PKD1L1: variants seen among roughly 807,000 people sequenced by gnomAD.
The protein encoded by PKD1L1 is polycystin-1-like protein 1.
In PKD1L1, 236 loss-of-function variants were observed where a neutral mutation model predicts 323.4. That is an observed-to-expected ratio of 0.73 (90% CI 0.66 to 0.81). The LOEUF (loss-of-function observed/expected upper bound fraction) is 0.81, where lower values mean the gene tolerates loss of function less well. Among genes scored for constraint, PKD1L1 ranks in the 40% least tolerant of loss-of-function variants. The probability of loss-of-function intolerance (pLI) is 0.00; values close to 1 mark genes in which losing one functional copy is unlikely to be tolerated. For synonymous variants in PKD1L1, 1,344 were observed against 1,335.0 expected, an observed-to-expected ratio of 1.01 and a Z score of -0.15; for missense variants, 3,320 against 3,508.0, an observed-to-expected ratio of 0.95 and a Z score of 1.35.
At chr7:47,863,117 T>C (rs147236759) in intron 26 of PKD1L1, among the ~76,000 whole-genome samples, 147 of 152,246 alleles carry the variant, frequency 9.7e-4, no homozygotes, top group Non-Finnish European at 1.8e-3. Flanking sequence ...CAGATGGGAC[T>C]TCTTTATAAG....
upstream of PKD1L1, among the ~76,000 whole-genome samples, chr7:47,948,946 A>G (rs1416322186): frequency 5.3e-5 from 8 of 152,038 alleles, no homozygotes; most frequent in Non-Finnish European, 1.2e-4. Flanking sequence ...CTCTGCCTCA[A>G]AAACAAAATG....
At chr7:47,795,393 T>A (rs1274152866) in intron 55 of PKD1L1, 1 of 455,416 alleles carries the variant, frequency 2.2e-6, no homozygotes, top group South Asian at 1.6e-5. Flanking sequence ...ATGTAAGAAG[T>A]GCCTTTCACC....
At chr7:47,868,847 C>A (rs2128744422) in intron 24 of PKD1L1, among the ~76,000 whole-genome samples, 1 of 152,298 alleles carries the variant, frequency 6.6e-6, no homozygotes, top group South Asian at 2.1e-4. Context: ...TGCACTCCAG[C>A]CTGGGCAACA....
chr7:47,857,779 A>G lies in PKD1L1; in HGVS notation c.4416T>C (p.Leu1472=). ...CAGAGCTCTGAAGGTTGTAATGAAGAAGGGTCCGGAACTCCATCTGCCCAG... is the reference window on the plus strand; with the variant it reads ...CAGAGCTCTGAAGGTTGTAATGAAGGAGGGTCCGGAACTCCATCTGCCCAG... ...VSTGQMEFRT[L]LHYNLQSSVQ... The change falls in exon 28 of 57, where the codon CTT becomes CTC. Residue 1472 remains leucine, a synonymous_variant. Coordinates refer to ENST00000289672, the MANE Select transcript of PKD1L1 (RefSeq NM_138295.5). The G allele has an allele frequency of 6.2e-7, 1 of 1,614,154 alleles. No individual in the cohort carries two copies. Among genetic ancestry groups the G allele is most frequent in the Non-Finnish European group, 8.5e-7 (1 of 1,180,030 alleles).
In PKD1L1 at chr7:47,853,187, G is replaced by T. The variant is rs752203141; in HGVS notation, c.4900C>A (p.Gln1634Lys). ...ATTGACTCATCCCAGAAGTAGATCT[G>T]CTTCACAAGAAAATCAGAGGGAGTA... is the stretch of plus-strand genomic sequence containing the variant. Reference protein sequence around the residue: ...KPTPSDFLVKQIYFWDESIVQ... With the variant: ...KPTPSDFLVKKIYFWDESIVQ... Residue 1634 changes from glutamine to lysine, a missense_variant, in exon 31 of 57, where the codon CAG (glutamine) becomes AAG (lysine). Physicochemically the swap from Gln to Lys is moderately conservative, Grantham distance 53 (BLOSUM62 1). Coordinates refer to ENST00000289672, the MANE Select transcript of PKD1L1 (RefSeq NM_138295.5). The T allele has an allele frequency of 1.9e-6, 3 of 1,613,626 alleles. No homozygotes were observed. Among genetic ancestry groups the T allele is most frequent in the Non-Finnish European group, 2.5e-6 (3 of 1,179,574 alleles).
At chr7:47,904,326 C>A in intron 12 of PKD1L1, 52 bp downstream of exon 12, 1 of 1,608,882 alleles carries the variant, frequency 6.2e-7, no homozygotes, top group South Asian at 1.1e-5. Context: ...CCTTAAGACT[C>A]TGATTCCCGC....
At chr7:47,775,540 A>G (rs961147064) in intron 56 of PKD1L1, among the ~76,000 whole-genome samples, 5 of 152,360 alleles carry the variant, frequency 3.3e-5, no homozygotes, top group Admixed American at 2.0e-4. Flanking sequence ...TCACCCATGA[A>G]TCAAAGAATA....
intron 45 of PKD1L1, among the ~76,000 whole-genome samples, chr7:47,821,458 G>A (rs939104090): frequency 6.6e-6 from 1 of 151,666 alleles, no homozygotes; most frequent in African/African-American, 2.4e-5. Context: ...TAGTGGAGAC[G>A]GGGTTTCTCC....
chr7:47,802,757 C>T (rs1024677097), intron 53 of PKD1L1, among the ~76,000 whole-genome samples: 1 of 152,242 alleles, frequency 6.6e-6, no homozygotes, highest in African/African-American at 2.4e-5. Flanking sequence ...CCAGACCAGA[C>T]TTCAGGGCTA....
intron 24 of PKD1L1, among the ~76,000 whole-genome samples, chr7:47,870,115 C>G (rs557221406): frequency 5.9e-5 from 9 of 151,892 alleles, no homozygotes; most frequent in African/African-American, 2.2e-4. Flanking sequence ...GAATTTAAAG[C>G]TATAAATGGC....
At chr7:47,864,891 C>T (rs1166960185) in intron 26 of PKD1L1, among the ~76,000 whole-genome samples, 1 of 151,902 alleles carries the variant, frequency 6.6e-6, no homozygotes, top group Non-Finnish European at 1.5e-5. Context: ...CCATGCCCGG[C>T]TAATTTTTAT....
In PKD1L1 at chr7:47,833,249, G is replaced by A; in HGVS notation, c.6178C>T (p.Pro2060Ser). Reference sequence around the variant, plus strand: ...CTCCCAGAGAGAATGGCTGATGCAGGTTGCTAGAATGACAAGGTCATGCCA... The same window carrying A: ...CTCCCAGAGAGAATGGCTGATGCAGATTGCTAGAATGACAAGGTCATGCCA... ...IPDAQEPRKQ[P>S]ASAILSGSGR... The change falls in exon 41 of 57, where the codon CCT becomes TCT. Residue 2060 changes from proline to serine, a missense_variant. Transcript: ENST00000289672. 6.2e-7 allele frequency: 1 copy of A among 1,611,828 alleles called. No homozygotes were observed. The highest frequency in any genetic ancestry group is 8.5e-7 in the Non-Finnish European group (1 of 1,178,828).
intron 13 of PKD1L1, among the ~76,000 whole-genome samples, chr7:47,899,806 A>G (rs373648324): frequency 1.1e-4 from 17 of 152,090 alleles, no homozygotes; most frequent in African/African-American, 3.1e-4. Flanking sequence ...AATACAAAAA[A>G]TTAGCCAGGT....
intron 54 of PKD1L1, 143 bp downstream of exon 54, chr7:47,800,506 A>G: frequency 1.2e-6 from 1 of 819,232 alleles, no homozygotes; most frequent in Non-Finnish European, 1.9e-6. Flanking sequence ...CTCCCAGGGC[A>G]GGTGAGCTGG....
At chr7:47,848,861 C>T (rs1023525938) in intron 31 of PKD1L1, among the ~76,000 whole-genome samples, 3 of 151,996 alleles carry the variant, frequency 2.0e-5, no homozygotes, top group Non-Finnish European at 4.4e-5. Flanking sequence ...CAAAACAATC[C>T]TAAAATTCAT....
intron 3 of PKD1L1, among the ~76,000 whole-genome samples, chr7:47,938,174 A>T (rs12532323): frequency 1.3e-5 from 2 of 151,990 alleles, no homozygotes; most frequent in Admixed American, 1.3e-4. Flanking sequence ...CCAACGGCCC[A>T]GCCCCTCCCT....
chr7:47,913,671 T>G (rs995613034), intron 8 of PKD1L1, among the ~76,000 whole-genome samples: 2 of 152,190 alleles, frequency 1.3e-5, no homozygotes, highest in African/African-American at 4.8e-5. Context: ...GATTGTAAGT[T>G]TCCTGAGGCT....
intron 54 of PKD1L1, among the ~76,000 whole-genome samples, chr7:47,798,314 A>G (rs1784585625): frequency 6.6e-6 from 1 of 152,244 alleles, no homozygotes; most frequent in Non-Finnish European, 1.5e-5. Flanking sequence ...AGCCAATTCA[A>G]TGGAGTAAAT....
chr7:47,950,634 G>A (rs778470523), upstream of PKD1L1, among the ~76,000 whole-genome samples: 4 of 152,032 alleles, frequency 2.6e-5, no homozygotes, highest in Non-Finnish European at 5.9e-5. Flanking sequence ...CGCTTGAACC[G>A]GGGAGGCAGA....
Sources: gnomAD v4.1 joint callset for allele counts (sites outside exome capture counted in the v4.1 genomes callset) on GRCh38, gnomAD v4.1.1 for gene constraint, MANE v1.5 for transcripts, NCBI Gene and HGNC (gene_info 2026-07-23, HGNC 2026-07-21) for gene names.